Variants in DENND2B observed in about 807,000 individuals in gnomAD.
DENND2B encodes DENN domain-containing protein 2B.
Under a neutral mutation model 116.0 loss-of-function variants are expected in DENND2B, and 32 were observed. The observed-to-expected ratio is 0.28, with a 90% CI of 0.21 to 0.37. The LOEUF (loss-of-function observed/expected upper bound fraction) is 0.37, where lower values mean the gene tolerates loss of function less well. DENND2B is among the 10% of genes least tolerant of loss of function. DENND2B has a pLI of 1.00. For missense variants in DENND2B, 1,276 were observed against 1,477.7 expected (o/e 0.86, Z 2.24); for synonymous variants, 588 against 583.9 (o/e 1.01, Z -0.10).
At chr11:8,697,074 C>T (rs1457005648) in intron 17 of DENND2B, among the ~76,000 whole-genome samples, 1 of 152,236 alleles carries the variant, frequency 6.6e-6, no homozygotes, top group African/African-American at 2.4e-5. Context: ...CCTCTGGAAG[C>T]TTGCTTTCTT....
At chr11:8,893,243 T>C (rs2064056448) in intron 1 of DENND2B, among the ~76,000 whole-genome samples, 1 of 152,204 alleles carries the variant, frequency 6.6e-6, no homozygotes, top group South Asian at 2.1e-4. Context: ...TGATGGGACG[T>C]ATCTCAAAAT....
chr11:8,694,382 C>T (rs2039943495), intron 19 of DENND2B, among the ~76,000 whole-genome samples: 1 of 152,188 alleles, frequency 6.6e-6, no homozygotes, highest in African/African-American at 2.4e-5. Context: ...CAGAAACATG[C>T]TATGATTCTC....
intron 4 of DENND2B, among the ~76,000 whole-genome samples, chr11:8,837,080 G>A (rs1292468828): frequency 6.6e-6 from 1 of 152,002 alleles, no homozygotes; most frequent in Non-Finnish European, 1.5e-5. Context: ...ATACTTTGGA[G>A]ATTGTCTTTG....
intron 4 of DENND2B, among the ~76,000 whole-genome samples, chr11:8,824,182 G>A (rs544630256): frequency 1.1e-4 from 16 of 150,406 alleles, no homozygotes; most frequent in Middle Eastern, 3.5e-3. Flanking sequence ...GATTACAGGC[G>A]TGAGCCACCA....
chr11:8,694,662 C>G (rs2040017797), intron 19 of DENND2B: 1 of 455,896 alleles, frequency 2.2e-6, no homozygotes. Flanking sequence ...ATTCAACCAA[C>G]TGGAGATCAA....
chr11:8,862,322 C>CTTTTTT (rs557309893), intron 2 of DENND2B, among the ~76,000 whole-genome samples: 2 of 64,882 alleles, frequency 3.1e-5, no homozygotes, highest in African/African-American at 5.3e-5. Flanking sequence ...CTTTTTCACT[C>CTTTTTT]TTTTTTTTTT....
rs1241399232 is a variant in DENND2B at position 8,730,985 on chromosome 11, A to G, written c.305T>C (p.Leu102Ser). The part of the protein sequence containing the change: ...CPFKTASFGY[L>S]DRSPSACKRD... Reference sequence around the variant, plus strand: ...CTTGCACGCCGAAGGGCTTCTGTCCAAATAACCGAAGCTGGCGGTCTTGAA... The same window carrying G: ...CTTGCACGCCGAAGGGCTTCTGTCCGAATAACCGAAGCTGGCGGTCTTGAA... Residue 102 changes from leucine (L) to serine (S), a missense_variant, in exon 3 of 20, where the codon TTG becomes TCG. By Grantham distance (145) the Leu-to-Ser change is moderately radical. Coordinates refer to ENST00000313726, the MANE Select transcript of DENND2B (RefSeq NM_213618.2). The surrounding 1 kb of genome is among the most constrained non-coding windows in gnomAD (Gnocchi z 4.1). 1 of 1,614,226 alleles carries G rather than the reference A, an allele frequency of 6.2e-7. No homozygotes were observed. Among genetic ancestry groups the G allele is most frequent in the African/African-American group, 1.3e-5 (1 of 75,074 alleles).
intron 1 of DENND2B, among the ~76,000 whole-genome samples, chr11:8,805,415 G>C: frequency 6.6e-6 from 1 of 152,108 alleles, no homozygotes; most frequent in Non-Finnish European, 1.5e-5. Flanking sequence ...TCAGTTCCTC[G>C]AACAAAACTA....
At chr11:8,894,508 G>C (rs2064075261) in intron 1 of DENND2B, among the ~76,000 whole-genome samples, 1 of 151,790 alleles carries the variant, frequency 6.6e-6, no homozygotes, top group African/African-American at 2.4e-5. Context: ...ATCTGACAAA[G>C]GGCTAATATC....
chr11:8,870,284 C>G (rs1312927371), intron 2 of DENND2B, among the ~76,000 whole-genome samples: 2 of 152,176 alleles, frequency 1.3e-5, no homozygotes, highest in Non-Finnish European at 2.9e-5. Context: ...TTTAGAAACA[C>G]TTGAAAACAT....
chr11:8,723,576 A>C (rs1473680679), intron 4 of DENND2B, among the ~76,000 whole-genome samples: 1 of 152,164 alleles, frequency 6.6e-6, no homozygotes, highest in Non-Finnish European at 1.5e-5. Flanking sequence ...GTCTTGCATA[A>C]GGAGGTGAGA....
At chr11:8,890,123 G>A (rs573269959) in intron 1 of DENND2B, among the ~76,000 whole-genome samples, 11 of 152,290 alleles carry the variant, frequency 7.2e-5, no homozygotes, top group Admixed American at 5.9e-4. Context: ...CTGATACCCA[G>A]GCAAACAGGG....
intron 1 of DENND2B, among the ~76,000 whole-genome samples, chr11:8,887,759 T>C (rs1419200008): frequency 6.6e-6 from 1 of 152,112 alleles, no homozygotes; most frequent in African/African-American, 2.4e-5. Flanking sequence ...TAAAGTAATA[T>C]AAAAGGTGAC....
intron 3 of DENND2B, among the ~76,000 whole-genome samples, chr11:8,847,147 C>G (rs1330135819): frequency 6.6e-6 from 1 of 152,252 alleles, no homozygotes; most frequent in East Asian, 1.9e-4. Context: ...AGCTGCTGCT[C>G]TACCTGAGGC....
chr11:8,708,073 A>G, intron 11 of DENND2B: 2 of 1,474,068 alleles, frequency 1.4e-6, no homozygotes, highest in East Asian at 2.6e-5. Flanking sequence ...AGCACCAGGT[A>G]CCAGGCTCCT....
At chr11:8,694,299 AG>A (rs1214157262) in intron 19 of DENND2B, among the ~76,000 whole-genome samples, 169 bp from the exon 20 acceptor site, 9 of 152,204 alleles carry the variant, frequency 5.9e-5, no homozygotes, top group African/African-American at 4.8e-5. Context: ...AGCTCTAATT[AG>A]GGCACCGGTA....
intron 1 of DENND2B, among the ~76,000 whole-genome samples, chr11:8,786,717 G>A (rs1240480619): frequency 6.6e-6 from 1 of 152,154 alleles, no homozygotes; most frequent in Non-Finnish European, 1.5e-5. Context: ...GGCTGAGGCG[G>A]AAGGATCACT....
At chr11:8,832,095 C>A (rs888198598) in intron 4 of DENND2B, among the ~76,000 whole-genome samples, 2 of 152,158 alleles carry the variant, frequency 1.3e-5, no homozygotes, top group Non-Finnish European at 2.9e-5. Context: ...TCTCCTCCTA[C>A]CCCTCACCCC....
chr11:8,752,092 G>A (rs1296198553), intron 1 of DENND2B, among the ~76,000 whole-genome samples: 1 of 152,220 alleles, frequency 6.6e-6, no homozygotes, highest in East Asian at 1.9e-4. Flanking sequence ...GAATTATCAC[G>A]TGTGTGATAA....
Sources: allele counts gnomAD v4.1 joint callset (sites outside exome capture counted in the v4.1 genomes callset), GRCh38; gene constraint gnomAD v4.1.1; non-coding constraint Gnocchi (gnomAD v3.1); transcripts MANE v1.5; gene names NCBI Gene and HGNC (gene_info 2026-07-23, HGNC 2026-07-21).